The following ASCC3 variants were observed in gnomAD, a reference collection of about 807,000 sequenced individuals.
The protein encoded by ASCC3 is ASC-1 complex subunit P200.
Under a neutral mutation model 256.3 loss-of-function variants are expected in ASCC3, and 158 were observed. The ratio of observed to expected loss-of-function variants is 0.62; its 90% CI spans 0.54 to 0.70. The LOEUF (loss-of-function observed/expected upper bound fraction) is 0.70. ASCC3 is among the 30% of genes least tolerant of loss of function. The probability of loss-of-function intolerance (pLI) is 0.00; values close to 1 mark genes in which losing one functional copy is unlikely to be tolerated. For synonymous variants in ASCC3, 948 were observed against 883.4 expected (o/e 1.07, Z -1.30); for missense variants, 2,259 against 2,626.0 (o/e 0.86, Z 3.05).
chr6:100,545,066 A>G (rs1775643373), intron 36 of ASCC3, among the ~76,000 whole-genome samples: 1 of 152,202 alleles, frequency 6.6e-6, no homozygotes, highest in Non-Finnish European at 1.5e-5. Flanking sequence ...TTATCATCTC[A>G]GTTATACAGA....
At chr6:100,552,709 T>C (rs1023510399) in intron 36 of ASCC3, among the ~76,000 whole-genome samples, 4 of 151,726 alleles carry the variant, frequency 2.6e-5, no homozygotes, top group African/African-American at 9.7e-5. Flanking sequence ...AAAAGAAGCA[T>C]TAATACAGCT....
chr6:100,757,618 T>A (rs1420687687), intron 10 of ASCC3, among the ~76,000 whole-genome samples: 1 of 152,116 alleles, frequency 6.6e-6, no homozygotes, highest in Non-Finnish European at 1.5e-5. Context: ...ATCTTATAAT[T>A]TTAAGTCTAT....
chr6:100,589,567 C>G, intron 36 of ASCC3, 67 bp downstream of exon 36: 1 of 1,594,204 alleles, frequency 6.3e-7, no homozygotes, highest in South Asian at 1.1e-5. Flanking sequence ...AATTTCAAGA[C>G]AAACTAGGTG....
chr6:100,603,748 T>C (rs1442434752), intron 33 of ASCC3, among the ~76,000 whole-genome samples: 11 of 152,092 alleles, frequency 7.2e-5, no homozygotes, highest in Admixed American at 7.2e-4. Context: ...TATCCATTCA[T>C]TTTTCAAATA....
chr6:100,828,562 G>A (rs1024086051), intron 4 of ASCC3, among the ~76,000 whole-genome samples: 2 of 152,086 alleles, frequency 1.3e-5, no homozygotes, highest in Admixed American at 1.3e-4. Context: ...CTGATGTTCC[G>A]ATGTGTTCGG....
intron 25 of ASCC3, among the ~76,000 whole-genome samples, chr6:100,637,198 C>T (rs1412448640): frequency 2.0e-5 from 3 of 152,112 alleles, no homozygotes; most frequent in Non-Finnish European, 4.4e-5. Context: ...GAAGCCAATG[C>T]TCATTTACCA....
intron 30 of ASCC3, among the ~76,000 whole-genome samples, chr6:100,621,567 T>C (rs1343640368): frequency 6.6e-6 from 1 of 152,082 alleles, no homozygotes; most frequent in Non-Finnish European, 1.5e-5. Context: ...AGAATGGCAA[T>C]TATTAAAAAG....
intron 37 of ASCC3, among the ~76,000 whole-genome samples, chr6:100,524,414 T>G (rs1292245255): frequency 6.6e-6 from 1 of 152,176 alleles, no homozygotes; most frequent in East Asian, 1.9e-4. Flanking sequence ...TTCAGGCACT[T>G]ATCTTTTGAA....
At chr6:100,690,072 C>T (rs1312118695) in intron 13 of ASCC3, among the ~76,000 whole-genome samples, 1 of 152,006 alleles carries the variant, frequency 6.6e-6, no homozygotes, top group Non-Finnish European at 1.5e-5. Context: ...CCTTGGTATC[C>T]ATGGGAGACT....
intron 10 of ASCC3, among the ~76,000 whole-genome samples, chr6:100,727,649 TAACAACAACAACAAC>T (rs146240380): frequency 3.3e-5 from 2 of 60,478 alleles, no homozygotes; most frequent in African/African-American, 7.7e-5. Context: ...TCTGGGTTTG[TAACAACAACAACAAC>T]AACAACAACA....
Position 100,550,976 on chromosome 6 carries a change from C to A in ASCC3, c.5551-10589G>T, listed in dbSNP as rs550592444. On this transcript the variant is annotated intron_variant, in intron 36 of 41. Coordinates refer to ENST00000369162, the MANE Select transcript of ASCC3 (RefSeq NM_006828.4). Reference sequence around the variant, plus strand: ...CATAAAAATGCCTTATGTAGTTAATCTAAGTTTAATAAGTTTAATAAAAAT... The same window carrying A: ...CATAAAAATGCCTTATGTAGTTAATATAAGTTTAATAAGTTTAATAAAAAT... Among the ~76,000 whole-genome samples, 3 of 151,992 alleles carry A rather than the reference C, an allele frequency of 2.0e-5. No individual in the cohort carries two copies. In the South Asian group the frequency reaches 6.2e-4, roughly 32 times the overall value.
chr6:100,828,698 T>C (rs1771457886), intron 4 of ASCC3, among the ~76,000 whole-genome samples: 1 of 152,156 alleles, frequency 6.6e-6, no homozygotes, highest in Non-Finnish European at 1.5e-5. Context: ...AGTGGGTTCG[T>C]GGTCTGGCTG....
At chr6:100,827,378 T>C (rs1017664392) in intron 4 of ASCC3, among the ~76,000 whole-genome samples, 1 of 152,204 alleles carries the variant, frequency 6.6e-6, no homozygotes, top group Non-Finnish European at 1.5e-5. Context: ...TATTTTTTCA[T>C]TGTCTCCATA....
intron 36 of ASCC3, among the ~76,000 whole-genome samples, chr6:100,558,689 T>C (rs1055057722): frequency 4.6e-5 from 7 of 152,190 alleles, no homozygotes; most frequent in African/African-American, 1.4e-4. Context: ...TTATTTAGTA[T>C]AGATTGGGAA....
At chr6:100,798,925 A>C in intron 7 of ASCC3, 87 bp from the exon 8 acceptor site, 1 of 1,203,756 alleles carries the variant, frequency 8.3e-7, no homozygotes. Flanking sequence ...GACAGAAAAC[A>C]CTACTGGTTT....
chr6:100,558,629 T>C (rs571203020), intron 36 of ASCC3, among the ~76,000 whole-genome samples: 20 of 152,160 alleles, frequency 1.3e-4, no homozygotes, highest in African/African-American at 4.3e-4. Flanking sequence ...CATTTGAAGA[T>C]ATCATAGTTT....
intron 36 of ASCC3, among the ~76,000 whole-genome samples, chr6:100,576,765 G>T (rs140517825): frequency 6.6e-6 from 1 of 151,890 alleles, no homozygotes; most frequent in East Asian, 1.9e-4. Flanking sequence ...AGAAAGTTTC[G>T]ATAGAATCTT....
intron 1 of ASCC3, among the ~76,000 whole-genome samples, chr6:100,880,589 T>C (rs1474160274): frequency 6.6e-6 from 1 of 151,408 alleles, no homozygotes; most frequent in African/African-American, 2.4e-5. Context: ...CAAAATGACA[T>C]TATAGGCTCC....
chr6:100,738,970 A>G (rs554084066), intron 10 of ASCC3, among the ~76,000 whole-genome samples: 6 of 152,110 alleles, frequency 3.9e-5, no homozygotes, highest in African/African-American at 1.4e-4. Flanking sequence ...AAAACTTCCA[A>G]TATTATGCTG....
Sources: allele counts gnomAD v4.1 joint callset (sites outside exome capture counted in the v4.1 genomes callset), GRCh38; gene constraint gnomAD v4.1.1; transcripts MANE v1.5; gene names NCBI Gene and HGNC (gene_info 2026-07-23, HGNC 2026-07-21).